FOXJ3: variants seen among roughly 807,000 people sequenced by gnomAD.
FOXJ3 encodes the protein forkhead box protein J3.
A neutral mutation model predicts 76.1 loss-of-function variants in FOXJ3; 22 were observed. The observed-to-expected ratio is 0.29, with a 90% CI of 0.21 to 0.41. The LOEUF (loss-of-function observed/expected upper bound fraction) is 0.41, where lower values mean the gene tolerates loss of function less well. Ranked by LOEUF, FOXJ3 falls within the 10% of genes least tolerant of loss-of-function variation. The pLI is 1.00. For missense variants in FOXJ3, 613 were observed against 762.1 expected (o/e 0.80, Z 2.30); for synonymous variants, 269 against 261.2 (o/e 1.03, Z -0.29).
Position 42,189,407 on chromosome 1 carries a change from A to G in FOXJ3, c.1352-3T>C, listed in dbSNP as rs1646498548. 3 of 1,595,780 alleles carry G rather than the reference A, an allele frequency of 1.9e-6. No individual in the cohort carries two copies. The highest frequency in any genetic ancestry group is 1.7e-6 in the Non-Finnish European group (2 of 1,163,780). On this transcript the variant is annotated splice_region_variant and splice_polypyrimidine_tract_variant and intron_variant, in intron 9 of 12. Transcript: ENST00000361346. ...CGCATACCAATCATTTGAAACACCTATAAAATATTGACAACAGTGTAATTC... is the reference window on the plus strand; with the variant it reads ...CGCATACCAATCATTTGAAACACCTGTAAAATATTGACAACAGTGTAATTC...
At chr1:42,268,756 T>G (rs1314177086) in intron 3 of FOXJ3, among the ~76,000 whole-genome samples, 1 of 152,164 alleles carries the variant, frequency 6.6e-6, no homozygotes, top group Non-Finnish European at 1.5e-5. Context: ...CTTAAAGATG[T>G]TACAATCAAC....
At chr1:42,236,188 T>C (rs1648613605) in intron 4 of FOXJ3, among the ~76,000 whole-genome samples, 3 of 152,200 alleles carry the variant, frequency 2.0e-5, no homozygotes, top group Admixed American at 2.0e-4. Context: ...GTTTTGTTTT[T>C]TGGCAAGGAA....
chr1:42,334,033 C>G, intron 1 of FOXJ3: 1 of 355,346 alleles, frequency 2.8e-6, no homozygotes, highest in Non-Finnish European at 3.9e-6. Flanking sequence ...ATTCAGGAAT[C>G]CAACCAGGGA....
chr1:42,235,837 C>A (rs538128857), intron 4 of FOXJ3, among the ~76,000 whole-genome samples: 1 of 152,160 alleles, frequency 6.6e-6, no homozygotes, highest in African/African-American at 2.4e-5. Context: ...CAGGTGTGAG[C>A]CACTGCACCA....
At chr1:42,249,346 T>A (rs1446017958) in intron 4 of FOXJ3, among the ~76,000 whole-genome samples, 2 of 152,220 alleles carry the variant, frequency 1.3e-5, no homozygotes, top group African/African-American at 2.4e-5. Context: ...CATGTTAGTC[T>A]GTGATACAAG....
At chr1:42,324,273 C>CTA (rs903669525) in intron 1 of FOXJ3, among the ~76,000 whole-genome samples, 1 of 139,952 alleles carries the variant, frequency 7.1e-6, no homozygotes, top group Admixed American at 7.3e-5. Context: ...CATATATACA[C>CTA]TATATATATT....
intron 1 of FOXJ3, among the ~76,000 whole-genome samples, chr1:42,322,670 GA>G (rs1655501419): frequency 6.6e-6 from 1 of 151,956 alleles, no homozygotes; most frequent in Admixed American, 6.6e-5. Flanking sequence ...GTACTTCTGA[GA>G]AAACAGCCTA....
chr1:42,208,648 T>C (rs918492138), intron 5 of FOXJ3, among the ~76,000 whole-genome samples: 7 of 152,222 alleles, frequency 4.6e-5, no homozygotes, highest in African/African-American at 1.4e-4. Flanking sequence ...TGATACCCAC[T>C]GTCACCATTT....
At chr1:42,246,644 A>C (rs181434385) in intron 4 of FOXJ3, among the ~76,000 whole-genome samples, 1 of 152,004 alleles carries the variant, frequency 6.6e-6, no homozygotes, top group African/African-American at 2.4e-5. Context: ...AAAAAAAAAA[A>C]CACTAAAAAT....
At chr1:42,182,831 C>A (rs1308922191) in intron 11 of FOXJ3, among the ~76,000 whole-genome samples, 2 of 152,096 alleles carry the variant, frequency 1.3e-5, no homozygotes, top group Admixed American at 6.6e-5. Flanking sequence ...CCACCTATTT[C>A]TCTACTTCCC....
chr1:42,330,461 A>C (rs1429443814), intron 1 of FOXJ3, among the ~76,000 whole-genome samples: 1 of 152,024 alleles, frequency 6.6e-6, no homozygotes, highest in South Asian at 2.1e-4. Context: ...AACATAGCGA[A>C]ACCACTTCTC....
At chr1:42,195,801 G>C (rs541464214) in intron 7 of FOXJ3, among the ~76,000 whole-genome samples, 4 of 152,316 alleles carry the variant, frequency 2.6e-5, no homozygotes, top group Admixed American at 6.5e-5. Flanking sequence ...TTTTTACATA[G>C]GAAAATGGCT....
chr1:42,328,379 T>C (rs1655964423), intron 1 of FOXJ3, among the ~76,000 whole-genome samples: 2 of 152,204 alleles, frequency 1.3e-5, no homozygotes, highest in Admixed American at 1.3e-4. Flanking sequence ...TCTAAGTCTG[T>C]GTTCTAAAAA....
rs866037155 is a variant in FOXJ3, at chr1:42,193,030, T to C, written c.935-1311A>G. On this transcript the variant is annotated intron_variant, in intron 8 of 12. Coordinates refer to ENST00000361346, the MANE Select transcript of FOXJ3 (RefSeq NM_014947.5). Reference sequence around the variant, plus strand: ...ATCAATTTTCAATAAAATCCTAGCATTTTACAAGGGAACCAAGGTCTGATC... The same window carrying C: ...ATCAATTTTCAATAAAATCCTAGCACTTTACAAGGGAACCAAGGTCTGATC... 2.6e-5 allele frequency among the ~76,000 whole-genome samples: 4 copies of C among 152,266 alleles called. 1 individual carries two copies. The highest frequency in any genetic ancestry group is 9.6e-5 in the African/African-American group (4 of 41,566).
chr1:42,332,396 A>C (rs985762554), intron 1 of FOXJ3, among the ~76,000 whole-genome samples: 1 of 152,210 alleles, frequency 6.6e-6, no homozygotes, highest in African/African-American at 2.4e-5. Flanking sequence ...TTAATACCTT[A>C]TTATGAAGAT....
intron 4 of FOXJ3, among the ~76,000 whole-genome samples, chr1:42,229,632 G>C (rs939661795): frequency 5.9e-5 from 9 of 152,096 alleles, no homozygotes; most frequent in African/African-American, 1.9e-4. Flanking sequence ...TTCAGCTAAG[G>C]AGTCTACCAG....
intron 2 of FOXJ3, among the ~76,000 whole-genome samples, chr1:42,285,099 A>G (rs1652965979): frequency 6.6e-6 from 1 of 152,116 alleles, no homozygotes; most frequent in Admixed American, 6.6e-5. Context: ...TTTGTATTTT[A>G]TGATTTTTTT....
intron 4 of FOXJ3, among the ~76,000 whole-genome samples, chr1:42,249,891 G>A (rs1649879744): frequency 6.6e-6 from 1 of 152,106 alleles, no homozygotes; most frequent in Admixed American, 6.6e-5. Flanking sequence ...GGTTAAAAAA[G>A]GAAAATAACT....
chr1:42,328,726 C>G (rs1389869554), intron 1 of FOXJ3, among the ~76,000 whole-genome samples: 1 of 140,484 alleles, frequency 7.1e-6, no homozygotes, highest in East Asian at 2.1e-4. Context: ...CTTGCCCAGA[C>G]TAGAATGCAG....
Sources: allele counts gnomAD v4.1 joint callset (sites outside exome capture counted in the v4.1 genomes callset), GRCh38; gene constraint gnomAD v4.1.1; transcripts MANE v1.5; gene names NCBI Gene and HGNC (gene_info 2026-07-23, HGNC 2026-07-21).